The following SHANK2 variants were observed in gnomAD, a reference collection of about 807,000 sequenced individuals.
SHANK2 encodes SH3 and multiple ankyrin repeat domains 2.
In SHANK2, 43 loss-of-function variants were observed where a neutral mutation model predicts 133.7. That is an observed-to-expected ratio of 0.32 (90% CI 0.25 to 0.41). The LOEUF is 0.41. Ranked by LOEUF, SHANK2 falls within the 10% of genes least tolerant of loss-of-function variation. SHANK2 has a pLI of 1.00. For synonymous variants in SHANK2, 1,017 were observed against 952.8 expected, an observed-to-expected ratio of 1.07 and a Z score of -1.24; for missense variants, 1,994 against 2,235.8, an observed-to-expected ratio of 0.89 and a Z score of 2.18.
At chr11:70,803,342 C>CTACTCATT (rs2135250394) in intron 13 of SHANK2, among the ~76,000 whole-genome samples, 1 of 480 alleles carries the variant, frequency 2.1e-3, no homozygotes. Context: ...ATCTACCCAT[C>CTACTCATT]CATCCATTTA....
At chr11:70,904,452 T>C (rs960029265) in intron 10 of SHANK2, among the ~76,000 whole-genome samples, 1 of 151,112 alleles carries the variant, frequency 6.6e-6, no homozygotes, top group African/African-American at 2.4e-5. Context: ...CCAAATCTCA[T>C]CTCATAGCTC....
chr11:70,562,561 T>C (rs1246050927), intron 17 of SHANK2, among the ~76,000 whole-genome samples: 2 of 152,232 alleles, frequency 1.3e-5, no homozygotes, highest in African/African-American at 4.8e-5. Flanking sequence ...CTAAAATCTA[T>C]TTTGATACTA....
At chr11:70,951,907 GCTTTT>G (rs1175740826) in intron 10 of SHANK2, among the ~76,000 whole-genome samples, 1 of 152,112 alleles carries the variant, frequency 6.6e-6, no homozygotes, top group Non-Finnish European at 1.5e-5. Flanking sequence ...GTCTCTTTTC[GCTTTT>G]CTTAAGAGGA....
At chr11:70,481,179 T>G (rs1409201986) in intron 25 of SHANK2, among the ~76,000 whole-genome samples, 1 of 152,268 alleles carries the variant, frequency 6.6e-6, no homozygotes, top group Non-Finnish European at 1.5e-5. Context: ...CAGATCACCC[T>G]GGGAGATGCC....
At chr11:71,177,244 G>GA (rs1248477034) in intron 2 of SHANK2, among the ~76,000 whole-genome samples, 3 of 152,132 alleles carry the variant, frequency 2.0e-5, no homozygotes, top group African/African-American at 7.2e-5. Flanking sequence ...GAGTGAAGAT[G>GA]ATCAGAAATG....
At chr11:70,942,092 C>T (rs1410219662) in intron 10 of SHANK2, among the ~76,000 whole-genome samples, 2 of 151,978 alleles carry the variant, frequency 1.3e-5, no homozygotes, top group African/African-American at 4.8e-5. Context: ...GAGGCTGAGG[C>T]AGGAGAATTG....
chr11:70,827,622 CTG>C (rs201245312), intron 11 of SHANK2, among the ~76,000 whole-genome samples: 23 of 138,506 alleles, frequency 1.7e-4, no homozygotes, highest in African/African-American at 3.9e-4. Context: ...ATTTAGTGTG[CTG>C]TGTGTGTGTG....
In SHANK2 at chr11:70,535,834, A is replaced by ACTC. The variant is rs2059536269; in HGVS notation, c.2062-32904_2062-32903insGAG. Among the ~76,000 whole-genome samples, 1 of 152,148 alleles carries ACTC rather than the reference A, an allele frequency of 6.6e-6. No individual in the cohort carries two copies. Among genetic ancestry groups the ACTC allele is most frequent in the Admixed American group, 6.5e-5 (1 of 15,282 alleles). On this transcript the variant is annotated intron_variant, in intron 17 of 25. Transcript: ENST00000601538. The surrounding 1 kb of genome is among the most constrained non-coding windows in gnomAD (Gnocchi z 4.3). ...AGGGAGCTGGGCCCAGGCACTTGGG[A>ACTC]AGCTTGGGAGCCTGAGAAGAAGGTG...
chr11:70,950,609 C>T (rs1232784882), intron 10 of SHANK2, among the ~76,000 whole-genome samples: 2 of 151,696 alleles, frequency 1.3e-5, no homozygotes, highest in Non-Finnish European at 2.9e-5. Context: ...TAAATTTCAA[C>T]ACAATTTTTT....
chr11:71,095,422 TG>T (rs782152243), intron 6 of SHANK2, among the ~76,000 whole-genome samples: 110 of 152,320 alleles, frequency 7.2e-4, no homozygotes, highest in Non-Finnish European at 1.4e-3. Flanking sequence ...CCATGGCCAC[TG>T]CTAAACAAGA....
Position 70,491,232 on chromosome 11 carries a change from C to T in SHANK2, c.2440-845G>A, listed in dbSNP as rs147940611. ...CGTGTGCAAGCTTTTATTGCTCCAG[C>T]TTTGAGATGCAGTTTCCATGTGTCC... On this transcript the variant is annotated intron_variant, in intron 22 of 25. Transcript: ENST00000601538. Among the ~76,000 whole-genome samples, 1,290 of 152,370 alleles carry T rather than the reference C, an allele frequency of 8.5e-3. 17 individuals carry two copies. The highest frequency in any genetic ancestry group is 0.029 in the African/African-American group (1,208 of 41,584).
intron 21 of SHANK2, among the ~76,000 whole-genome samples, chr11:70,497,961 G>C (rs550324260): frequency 6.6e-6 from 1 of 152,250 alleles, no homozygotes; most frequent in South Asian, 2.1e-4. Context: ...CCATTGAGGG[G>C]CAGAGTGCCC....
intron 15 of SHANK2, among the ~76,000 whole-genome samples, chr11:70,670,067 G>A (rs1251462736): frequency 2.0e-5 from 3 of 152,240 alleles, no homozygotes; most frequent in African/African-American, 4.8e-5. Flanking sequence ...TGGGTGGTGG[G>A]ACCTGGGAAA....
intron 14 of SHANK2, among the ~76,000 whole-genome samples, chr11:70,706,427 G>A (rs1478550656): frequency 1.3e-5 from 2 of 152,298 alleles, no homozygotes; most frequent in African/African-American, 4.8e-5. Context: ...TGGAGATACA[G>A]GAAGCTGGAT....
At chr11:70,937,285 A>G (rs944871947) in intron 10 of SHANK2, among the ~76,000 whole-genome samples, 8 of 152,234 alleles carry the variant, frequency 5.3e-5, no homozygotes, top group Non-Finnish European at 1.2e-4. Context: ...TGACGGGAGC[A>G]CAGAAATCTT....
chr11:70,760,986 G>T (rs1223420426), intron 14 of SHANK2, among the ~76,000 whole-genome samples: 1 of 152,168 alleles, frequency 6.6e-6, no homozygotes, highest in Non-Finnish European at 1.5e-5. Context: ...CAATGCCCAG[G>T]GGCAGTGGTG....
intron 13 of SHANK2, among the ~76,000 whole-genome samples, chr11:70,799,765 G>C (rs927556706): frequency 6.6e-6 from 1 of 152,238 alleles, no homozygotes; most frequent in Non-Finnish European, 1.5e-5. Context: ...AAGTTGCTGA[G>C]TCCAGACACA....
intron 11 of SHANK2, among the ~76,000 whole-genome samples, chr11:70,845,198 C>CAAA (rs782471301): frequency 1.9e-3 from 99 of 51,532 alleles, no homozygotes; most frequent in African/African-American, 5.7e-3. Context: ...GACTCTGTCT[C>CAAA]AAAAAAAAAA....
At chr11:70,751,868 A>G (rs544176153) in intron 14 of SHANK2, among the ~76,000 whole-genome samples, 2 of 152,266 alleles carry the variant, frequency 1.3e-5, no homozygotes, top group South Asian at 2.1e-4. Context: ...AAAAAGCTAT[A>G]TAATTGTTTT....
Sources: gnomAD v4.1 joint callset for allele counts (sites outside exome capture counted in the v4.1 genomes callset) on GRCh38, gnomAD v4.1.1 for gene constraint, Gnocchi (gnomAD v3.1) non-coding constraint, MANE v1.5 for transcripts, NCBI Gene and HGNC (gene_info 2026-07-23, HGNC 2026-07-21) for gene names.